The following EXD1 variants were observed in gnomAD, a reference collection of about 807,000 sequenced individuals.
EXD1 encodes exonuclease 3'-5' domain containing 1.
A neutral mutation model predicts 49.1 loss-of-function variants in EXD1; 63 were observed. The ratio of observed to expected loss-of-function variants is 1.28; its 90% confidence interval spans 1.05 to 1.58. The LOEUF (loss-of-function observed/expected upper bound fraction) is 1.58. Among genes scored for constraint, EXD1 ranks in the 40% most tolerant of loss-of-function variants. EXD1 has a pLI of 0.00. For synonymous variants in EXD1, 234 were observed against 239.2 expected (o/e 0.98, Z 0.20); for missense variants, 748 against 666.0 (o/e 1.12, Z -1.36).
chr15:41,199,766 GAT>G (rs1491311842), intron 7 of EXD1, among the ~76,000 whole-genome samples: 4 of 16,126 alleles, frequency 2.5e-4, no homozygotes, highest in Admixed American at 1.0e-3. Flanking sequence ...ATACATATAT[GAT>G]ATATATGTCA....
intron 7 of EXD1, among the ~76,000 whole-genome samples, chr15:41,209,300 A>T (rs2046884328): frequency 6.6e-6 from 1 of 152,102 alleles, no homozygotes; most frequent in Admixed American, 6.6e-5. Context: ...CTGTAGTCCC[A>T]GCTACTCAGG....
At chr15:41,201,757 G>C (rs1242924757) in intron 7 of EXD1, among the ~76,000 whole-genome samples, 6 of 152,038 alleles carry the variant, frequency 3.9e-5, no homozygotes, top group African/African-American at 1.4e-4. Context: ...CAAAGTGCTT[G>C]GATTAGAGGC....
chr15:41,217,529 C>CTTTT (rs3033817), intron 3 of EXD1, among the ~76,000 whole-genome samples: 3,952 of 127,070 alleles, frequency 0.031, 214 homozygotes, highest in African/African-American at 0.078. Context: ...GAGGGTTTTC[C>CTTTT]TTTTTTTTTT....
intron 7 of EXD1, among the ~76,000 whole-genome samples, chr15:41,208,290 C>A (rs571868574): frequency 7.2e-6 from 1 of 138,888 alleles, no homozygotes; most frequent in African/African-American, 2.7e-5. Context: ...CAGCACTTTG[C>A]GGTTAGGCTG....
chr15:41,213,215 T>G (rs2046948731), intron 6 of EXD1, among the ~76,000 whole-genome samples: 1 of 151,924 alleles, frequency 6.6e-6, no homozygotes, highest in South Asian at 2.1e-4. Flanking sequence ...ATTTTTATTT[T>G]TTTTGAGATA....
chr15:41,184,873 G>GTC (rs561059695), intron 11 of EXD1, among the ~76,000 whole-genome samples: 278 of 152,074 alleles, frequency 1.8e-3, no homozygotes, highest in South Asian at 5.6e-3. Context: ...AGCCAAGATG[G>GTC]TCTCGATCTC....
intron 7 of EXD1, among the ~76,000 whole-genome samples, chr15:41,207,739 G>A (rs1252966890): frequency 6.6e-6 from 1 of 151,958 alleles, no homozygotes; most frequent in African/African-American, 2.4e-5. Flanking sequence ...GTTGCAGAAA[G>A]GACAGCTGTA....
intron 9 of EXD1, among the ~76,000 whole-genome samples, chr15:41,195,514 T>G (rs192686072): frequency 7.2e-4 from 109 of 152,292 alleles, no homozygotes; most frequent in South Asian, 2.3e-3. Flanking sequence ...AGTCTGAATC[T>G]TGCTTCTTTG....
chr15:41,211,386 C>T (rs2046918512), intron 6 of EXD1, among the ~76,000 whole-genome samples: 1 of 151,926 alleles, frequency 6.6e-6, no homozygotes, highest in South Asian at 2.1e-4. Context: ...GCTGGTATTA[C>T]AAGACTGAGC....
At chr15:41,230,082 C>CTTTTTT (rs1156382525) in intron 1 of EXD1, among the ~76,000 whole-genome samples, 5 of 122,232 alleles carry the variant, frequency 4.1e-5, no homozygotes, top group African/African-American at 6.4e-5. Context: ...TGGCTTTTAC[C>CTTTTTT]TTTTTTTTTT....
rs73402971 is a variant in EXD1 at position 41,230,741 on chromosome 15, A to T, written c.-316T>A. Reference sequence around the variant, plus strand: ...CGCAGAGGCGACGCCCGCCCGGCCCAACGTCCAGTCTCGTCTGTTTCCCGA... The same window carrying T: ...CGCAGAGGCGACGCCCGCCCGGCCCTACGTCCAGTCTCGTCTGTTTCCCGA... On this transcript the variant is annotated 5_prime_UTR_variant, in exon 1 of 12. Coordinates refer to ENST00000458580, the MANE Select transcript of EXD1 (RefSeq NM_001286441.2). 502 of 598,720 alleles carry T rather than the reference A, an allele frequency of 8.4e-4. 4 individuals carry two copies. In the African/African-American group the frequency reaches 8.7e-3, roughly 10 times the overall value. The allele number at this position is 598,720 out of a possible 1,614,324, so 37.1% of individuals were successfully genotyped here. A position where few individuals can be genotyped will look rare whatever the true frequency, so the allele number is the denominator to read the frequency against.
Position 41,226,570 on chromosome 15 carries a change from G to A in EXD1, c.6C>T (p.Asp2=), listed in dbSNP as rs2047167758. The A allele has an allele frequency of 2.0e-6, 3 of 1,535,492 alleles. No individual in the cohort carries two copies. Among genetic ancestry groups the A allele is most frequent in the Non-Finnish European group, 2.6e-6 (3 of 1,146,732 alleles). The part of the protein sequence containing the change: M[D]PSSDYHFLSQ... ...TGAGGAAATGGTAGTCACTGCTGGGGTCCATGCTAATTGATTCCAAAAGCC... is the reference window on the plus strand; with the variant it reads ...TGAGGAAATGGTAGTCACTGCTGGGATCCATGCTAATTGATTCCAAAAGCC... Residue 2 remains aspartate, a synonymous_variant, in exon 2 of 12, where the codon GAC becomes GAT. Coordinates refer to ENST00000458580, the MANE Select transcript of EXD1 (RefSeq NM_001286441.2).
intron 5 of EXD1, among the ~76,000 whole-genome samples, chr15:41,216,087 T>C (rs2046995315): frequency 6.6e-6 from 1 of 152,120 alleles, no homozygotes; most frequent in African/African-American, 2.4e-5. Context: ...AGGGATACCA[T>C]ATTTCAGAAT....
At chr15:41,209,461 A>G (rs2046886145) in intron 7 of EXD1, 40 bp downstream of exon 7, 1 of 1,575,770 alleles carries the variant, frequency 6.3e-7, no homozygotes, top group Non-Finnish European at 8.7e-7. Flanking sequence ...CAGTGGCTCT[A>G]TAATTACTTC....
At chr15:41,214,726 G>A (rs1226374133) in intron 6 of EXD1, among the ~76,000 whole-genome samples, 1 of 151,790 alleles carries the variant, frequency 6.6e-6, no homozygotes, top group African/African-American at 2.4e-5. Flanking sequence ...CTTTGCACTT[G>A]CTAATTCCAC....
rs543506495 is a variant in EXD1 at position 41,206,414 on chromosome 15, C to T, written c.534+3087G>A. Among the ~76,000 whole-genome samples, 30 of 140,294 alleles carry T rather than the reference C, an allele frequency of 2.1e-4. No homozygotes were observed. In the South Asian group the frequency reaches 3.1e-3, roughly 15 times the overall value. 92.0% of individuals were successfully genotyped at this position (140,294 alleles called of 152,430 possible). Reference sequence around the variant, plus strand: ...GAACCTGAGAGGCAGAGATGCAGTACAGTGAGCCAAGAGATTGCACCACTG... The same window carrying T: ...GAACCTGAGAGGCAGAGATGCAGTATAGTGAGCCAAGAGATTGCACCACTG... On this transcript the variant is annotated intron_variant, in intron 7 of 11. Coordinates refer to ENST00000458580, the MANE Select transcript of EXD1 (RefSeq NM_001286441.2).
At chr15:41,201,521 G>A (rs2118739) in intron 7 of EXD1, among the ~76,000 whole-genome samples, 14,740 of 128,098 alleles carry the variant, frequency 0.12, 1,049 homozygotes, top group East Asian at 0.22. Context: ...ACAGAGTCTC[G>A]CTGTGTCACC....
intron 3 of EXD1, among the ~76,000 whole-genome samples, chr15:41,218,570 A>T (rs1555417231): frequency 6.6e-6 from 1 of 151,670 alleles, no homozygotes; most frequent in Non-Finnish European, 1.5e-5. Context: ...CATACAGATC[A>T]CAAAGCCGGT....
chr15:41,186,470 C>CAAAAAAAAAAAAAA lies in EXD1; in HGVS notation c.1057-1891_1057-1878dup, dbSNP rs58793050. 2.3e-3 allele frequency among the ~76,000 whole-genome samples: 158 copies of CAAAAAAAAAAAAAA among 68,056 alleles called. 5 individuals are homozygous for CAAAAAAAAAAAAAA. The highest frequency in any genetic ancestry group is 0.021 in the Middle Eastern group (2 of 94). The allele number at this position is 68,056 out of a possible 152,430, so 44.6% of individuals were successfully genotyped here. A position where few individuals can be genotyped will look rare whatever the true frequency, so the allele number is the denominator to read the frequency against. ...CTGGGTGATGAGCAAGACTCTGTCT[C>CAAAAAAAAAAAAAA]AAAAAAAAAAAAAAAAAAATCAGAA... is the stretch of plus-strand genomic sequence containing the variant. On this transcript the variant is annotated intron_variant, in intron 11 of 11. Coordinates refer to ENST00000458580, the MANE Select transcript of EXD1 (RefSeq NM_001286441.2).
Sources: gnomAD v4.1 joint callset for allele counts (sites outside exome capture counted in the v4.1 genomes callset) on GRCh38, gnomAD v4.1.1 for gene constraint, MANE v1.5 for transcripts, NCBI Gene and HGNC (gene_info 2026-07-23, HGNC 2026-07-21) for gene names.